ERC2: variants seen among roughly 807,000 people sequenced by gnomAD.
ERC2 encodes the protein ELKS/RAB6-interacting/CAST family member 2.
A neutral mutation model predicts 114.8 loss-of-function variants in ERC2; 42 were observed. The ratio of observed to expected loss-of-function variants is 0.37; its 90% CI spans 0.29 to 0.47. The LOEUF is 0.47. Among genes scored for constraint, ERC2 ranks in the 20% least tolerant of loss-of-function variants. ERC2 has a pLI of 0.99. For synonymous variants in ERC2, 454 were observed against 425.5 expected, an observed-to-expected ratio of 1.07 and a Z score of -0.82; for missense variants, 939 against 1,150.7, an observed-to-expected ratio of 0.82 and a Z score of 2.66.
intron 2 of ERC2, among the ~76,000 whole-genome samples, chr3:56,345,053 AAG>A (rs2058251723): frequency 6.6e-6 from 1 of 152,216 alleles, no homozygotes; most frequent in South Asian, 2.1e-4. Flanking sequence ...ATCAGAACTA[AAG>A]AAAAACTAAT....
intron 14 of ERC2, among the ~76,000 whole-genome samples, chr3:55,754,479 C>T (rs371856665): frequency 6.2e-5 from 9 of 144,574 alleles, no homozygotes; most frequent in Middle Eastern, 3.4e-3. Context: ...AATATTTCAA[C>T]GGCTCTTCAG....
In ERC2 at chr3:56,104,741, T is replaced by C. The variant is rs1033255828; in HGVS notation, c.1474-23757A>G. On this transcript the variant is annotated intron_variant, in intron 6 of 17. Coordinates refer to ENST00000288221, the MANE Select transcript of ERC2 (RefSeq NM_015576.3). ...AAATATCCCCAAAGAATTTCATCCATTTATTTAAAAATATTCCTGGGGTAC... is the reference window on the plus strand; with the variant it reads ...AAATATCCCCAAAGAATTTCATCCACTTATTTAAAAATATTCCTGGGGTAC... Among the ~76,000 whole-genome samples the C allele has an allele frequency of 2.0e-5, 3 of 152,082 alleles. No individual in the cohort carries two copies. The East Asian group carries it at 5.8e-4, about 29-fold the overall frequency.
chr3:56,203,696 A>G (rs1048857417), intron 3 of ERC2, among the ~76,000 whole-genome samples: 2 of 152,220 alleles, frequency 1.3e-5, no homozygotes, highest in Non-Finnish European at 2.9e-5. Flanking sequence ...AACAAAATAT[A>G]CAAAGGTCAA....
chr3:55,628,159 T>G (rs1339274540), intron 17 of ERC2, among the ~76,000 whole-genome samples: 1 of 152,260 alleles, frequency 6.6e-6, no homozygotes, highest in Non-Finnish European at 1.5e-5. Flanking sequence ...CCTTCCTTTT[T>G]CTTGTTTAAC....
At chr3:55,900,116 T>G (rs1040482444) in intron 13 of ERC2, among the ~76,000 whole-genome samples, 1 of 152,156 alleles carries the variant, frequency 6.6e-6, no homozygotes, top group Non-Finnish European at 1.5e-5. Context: ...CTGGTTATAA[T>G]CCGGTGGGGA....
chr3:56,175,780 T>G (rs1277860192), intron 3 of ERC2, among the ~76,000 whole-genome samples: 1 of 152,136 alleles, frequency 6.6e-6, no homozygotes, highest in Non-Finnish European at 1.5e-5. Context: ...TGTAACAACC[T>G]CAAGATCTTA....
At chr3:56,122,849 C>T (rs1421121082) in intron 6 of ERC2, among the ~76,000 whole-genome samples, 2 of 152,200 alleles carry the variant, frequency 1.3e-5, no homozygotes, top group Non-Finnish European at 2.9e-5. Flanking sequence ...CACTTCATGA[C>T]TGTTGCTTGC....
intron 17 of ERC2, among the ~76,000 whole-genome samples, chr3:55,585,390 A>C (rs115629972): frequency 0.013 from 2,030 of 152,020 alleles, 49 homozygotes; most frequent in African/African-American, 0.047. Context: ...ACCACCGCTG[A>C]ACTGGAGCTT....
chr3:56,021,292 G>T (rs2073697166), intron 7 of ERC2, among the ~76,000 whole-genome samples: 2 of 152,112 alleles, frequency 1.3e-5, no homozygotes, highest in Admixed American at 1.3e-4. Context: ...GCAGAAGGAA[G>T]AAGGAGTTTC....
intron 16 of ERC2, among the ~76,000 whole-genome samples, chr3:55,686,564 T>A (rs1206490882): frequency 6.6e-6 from 1 of 152,152 alleles, no homozygotes; most frequent in Non-Finnish European, 1.5e-5. Flanking sequence ...GCTGCCTGCA[T>A]CTCTGTATGC....
At chr3:56,438,543 T>C (rs1022098894) in intron 1 of ERC2, among the ~76,000 whole-genome samples, 2 of 151,158 alleles carry the variant, frequency 1.3e-5, no homozygotes, top group Non-Finnish European at 3.0e-5. Context: ...GGTAACATAA[T>C]AATGATATAT....
chr3:56,023,670 T>A (rs1291860170), intron 7 of ERC2, among the ~76,000 whole-genome samples: 1 of 152,020 alleles, frequency 6.6e-6, no homozygotes, highest in Non-Finnish European at 1.5e-5. Context: ...ATGAGCACAA[T>A]GAAGACAAGA....
At chr3:55,992,330 A>T in intron 10 of ERC2, 80 bp from the exon 11 acceptor site, 2 of 1,279,094 alleles carry the variant, frequency 1.6e-6, no homozygotes, top group Non-Finnish European at 2.2e-6. Context: ...ATGGTCCAGA[A>T]ATTAACTTTG....
intron 17 of ERC2, among the ~76,000 whole-genome samples, chr3:55,611,264 A>T (rs904410929): frequency 1.3e-5 from 2 of 152,210 alleles, no homozygotes; most frequent in Non-Finnish European, 2.9e-5. Context: ...TAATTTAAGC[A>T]TTGTTAGGCT....
chr3:55,703,922 T>G, intron 15 of ERC2, among the ~76,000 whole-genome samples: 1 of 152,210 alleles, frequency 6.6e-6, no homozygotes, highest in East Asian at 1.9e-4. Flanking sequence ...ATTCCTTAGC[T>G]AATTGGACCC....
intron 3 of ERC2, among the ~76,000 whole-genome samples, chr3:56,293,115 T>C (rs1422953256): frequency 6.6e-6 from 1 of 152,196 alleles, no homozygotes; most frequent in East Asian, 1.9e-4. Context: ...AATGGATGGA[T>C]GAATGAATAA....
chr3:55,982,976 C>T (rs1022625881), intron 12 of ERC2, among the ~76,000 whole-genome samples: 12 of 152,344 alleles, frequency 7.9e-5, no homozygotes, highest in African/African-American at 1.9e-4. Context: ...CGCCTGCTGC[C>T]AGGCGCCAGC....
chr3:55,569,762 T>C (rs1359229696), intron 17 of ERC2, among the ~76,000 whole-genome samples: 1 of 152,122 alleles, frequency 6.6e-6, no homozygotes, highest in African/African-American at 2.4e-5. Context: ...ACATGACATA[T>C]AATTAATTGG....
At chr3:55,785,585 T>G (rs1355811081) in intron 14 of ERC2, among the ~76,000 whole-genome samples, 1 of 152,236 alleles carries the variant, frequency 6.6e-6, no homozygotes, top group Non-Finnish European at 1.5e-5. Flanking sequence ...CACATGGCAA[T>G]GCAGGGTGCT....
Sources: gnomAD v4.1 joint callset for allele counts (sites outside exome capture counted in the v4.1 genomes callset) on GRCh38, gnomAD v4.1.1 for gene constraint, MANE v1.5 for transcripts, NCBI Gene and HGNC (gene_info 2026-07-23, HGNC 2026-07-21) for gene names.